OSBPL9: variants seen among roughly 807,000 people sequenced by gnomAD.
OSBPL9 encodes oxysterol-binding protein-related protein 9.
OSBPL9 carries 40 observed loss-of-function variants against 106.6 expected under a neutral mutation model. The observed-to-expected ratio is 0.38, with a 90% CI of 0.29 to 0.49. The LOEUF (loss-of-function observed/expected upper bound fraction) is 0.49. Ranked by LOEUF, OSBPL9 falls within the 20% of genes least tolerant of loss-of-function variation. The probability of loss-of-function intolerance (pLI) is 0.97; values close to 1 mark genes in which losing one functional copy is unlikely to be tolerated. For synonymous variants in OSBPL9, 269 were observed against 295.4 expected (o/e 0.91, Z 0.92); for missense variants, 609 against 887.2 (o/e 0.69, Z 3.98).
At chr1:51,530,170 CAAAAAAAA>C in the OSBPL9 span, among the ~76,000 whole-genome samples, 12 of 11,032 alleles carry the variant, frequency 1.1e-3, no homozygotes, top group Non-Finnish European at 2.0e-3. Flanking sequence ...GACTCTGTCT[CAAAAAAAA>C]AAAAAAAAAA....
chr1:51,591,437 C>G (rs1252018222), intron 1 of OSBPL9, among the ~76,000 whole-genome samples: 1 of 152,058 alleles, frequency 6.6e-6, no homozygotes, highest in South Asian at 2.1e-4. Flanking sequence ...TAGAGAACAC[C>G]GGGGGAAATA....
chr1:51,525,436 C>G, the OSBPL9 span, among the ~76,000 whole-genome samples: 2 of 152,120 alleles, frequency 1.3e-5, no homozygotes, highest in African/African-American at 2.4e-5. Flanking sequence ...CTCTTTCAGT[C>G]AAAGATTTTC....
chr1:51,577,047 C>T (rs1174396653), upstream of OSBPL9: 2 of 152,130 alleles, frequency 1.3e-5, no homozygotes, highest in African/African-American at 2.4e-5. Context: ...TCTTGGTGAT[C>T]AGTGAGCTCT....
At chr1:51,762,246 C>T (rs1055523811) in intron 11 of OSBPL9, among the ~76,000 whole-genome samples, 1 of 152,038 alleles carries the variant, frequency 6.6e-6, no homozygotes, top group Non-Finnish European at 1.5e-5. Context: ...TGCAGTGGTA[C>T]GATCAGGGCT....
At position 51,729,866 on chromosome 1, in the gene OSBPL9, C is replaced by G. The variant is rs892949532; in HGVS notation, c.319-15670C>G. 8.0e-6 allele frequency: 10 copies of G among 1,250,218 alleles called. No homozygotes were observed. Among genetic ancestry groups the G allele is most frequent in the African/African-American group, 1.5e-5 (1 of 64,544 alleles). The allele number at this position is 1,250,218 out of a possible 1,614,324, so 77.4% of individuals were successfully genotyped here. Reference sequence around the variant, plus strand: ...GGACGGGCTGAACCTCAGTCAGGACCGCCTGCACCGCAGTCCGGGGATCGG... The same window carrying G: ...GGACGGGCTGAACCTCAGTCAGGACGGCCTGCACCGCAGTCCGGGGATCGG... On this transcript the variant is annotated intron_variant, in intron 4 of 23. Coordinates refer to ENST00000428468, the MANE Select transcript of OSBPL9 (RefSeq NM_024586.6). This position sits in a 1 kb window ranked among gnomAD's most constrained non-coding sequence, Gnocchi z 5.1.
At chr1:51,573,549 T>G, upstream of OSBPL9, among the ~76,000 whole-genome samples, 1 of 141,150 alleles carries the variant, frequency 7.1e-6, no homozygotes, top group Admixed American at 7.3e-5. Flanking sequence ...GGCACGGTGG[T>G]TCACACCTGT....
At chr1:51,551,171 G>T in the OSBPL9 span, among the ~76,000 whole-genome samples, 1 of 152,228 alleles carries the variant, frequency 6.6e-6, no homozygotes, top group East Asian at 1.9e-4. Context: ...TCCCCAAATT[G>T]TACCAACCTC....
chr1:51,686,385 T>G (rs920952891), intron 3 of OSBPL9, among the ~76,000 whole-genome samples: 1 of 152,210 alleles, frequency 6.6e-6, no homozygotes, highest in Non-Finnish European at 1.5e-5. Flanking sequence ...GTTCATGCCT[T>G]TCCTTCCTTG....
intron 6 of OSBPL9, 53 bp from the exon 7 acceptor site, chr1:51,748,316 C>T (rs537285075): frequency 1.5e-5 from 23 of 1,494,858 alleles, no homozygotes; most frequent in African/African-American, 1.5e-4. Context: ...AAAAAATAAC[C>T]GTCCTTCTTT....
At chr1:51,780,847 G>A (rs930320633) in intron 15 of OSBPL9, among the ~76,000 whole-genome samples, 2 of 152,088 alleles carry the variant, frequency 1.3e-5, no homozygotes, top group African/African-American at 4.8e-5. Flanking sequence ...CTACACATTG[G>A]ATATAGTGTA....
chr1:51,700,160 C>G (rs1656933326), intron 3 of OSBPL9, among the ~76,000 whole-genome samples: 1 of 152,242 alleles, frequency 6.6e-6, no homozygotes, highest in Non-Finnish European at 1.5e-5. Context: ...CATGCGGAGC[C>G]TGTTCACTGC....
chr1:51,701,907 T>A (rs1460192419), intron 3 of OSBPL9, among the ~76,000 whole-genome samples: 14 of 152,212 alleles, frequency 9.2e-5, no homozygotes, highest in Non-Finnish European at 4.4e-5. Flanking sequence ...GTTTCGTTTT[T>A]TGTCCTTGCG....
rs558219705 is a variant in OSBPL9, at chr1:51,673,855, T to A, written c.241+4343T>A. 2.0e-4 allele frequency among the ~76,000 whole-genome samples: 31 copies of A among 151,710 alleles called. No homozygotes were observed. The South Asian group carries it at 6.5e-3, about 32-fold the overall frequency. On this transcript the variant is annotated intron_variant, in intron 3 of 23. Transcript: ENST00000428468. Reference sequence around the variant, plus strand: ...GGTGCATAGCCACTGCACTCCAGCCTGGGCAATATAGTGATGCCCTGTCTC... The same window carrying A: ...GGTGCATAGCCACTGCACTCCAGCCAGGGCAATATAGTGATGCCCTGTCTC...
chr1:51,524,869 A>C, the OSBPL9 span, among the ~76,000 whole-genome samples: 2 of 152,148 alleles, frequency 1.3e-5, no homozygotes, highest in Admixed American at 6.5e-5. Flanking sequence ...GAAACCTTGC[A>C]CTCATGGCTG....
chr1:51,587,622 G>A (rs994285367), intron 1 of OSBPL9, among the ~76,000 whole-genome samples: 2 of 152,192 alleles, frequency 1.3e-5, no homozygotes, highest in African/African-American at 4.8e-5. Context: ...GGGTTGTAAA[G>A]TGAAAAGAGG....
the OSBPL9 span, among the ~76,000 whole-genome samples, chr1:51,571,945 C>A: frequency 6.6e-6 from 1 of 152,118 alleles, no homozygotes; most frequent in Non-Finnish European, 1.5e-5. Flanking sequence ...ATGTGAGGGA[C>A]AACAACCAAG....
intron 4 of OSBPL9, among the ~76,000 whole-genome samples, chr1:51,740,583 A>G (rs1666694859): frequency 6.6e-6 from 1 of 151,704 alleles, no homozygotes; most frequent in East Asian, 1.9e-4. Flanking sequence ...CTTCTAATAT[A>G]TTTTCTTTTT....
chr1:51,786,555 G>T lies in OSBPL9; in HGVS notation c.1938G>T (p.Lys646Asn). ...GENTVFVDTK[K>N]LPIIKKKVRK... ...ATACAGTCTTTGTAGATACCAAGAAGTTGCCTATAATCAAGAAGAAAGTGA... is the reference window on the plus strand; with the variant it reads ...ATACAGTCTTTGTAGATACCAAGAATTTGCCTATAATCAAGAAGAAAGTGA... Residue 646 changes from lysine to asparagine, a missense_variant, in exon 22 of 24, where the codon AAG becomes AAT. Around this residue, in one of 5 missense-constraint regions of OSBPL9, gnomAD observed 132 missense variants for 158.1 expected, o/e 0.83. Transcript: ENST00000428468. 2 of 1,611,914 alleles carry T rather than the reference G, an allele frequency of 1.2e-6. No homozygotes were observed. The highest frequency in any genetic ancestry group is 1.7e-6 in the Non-Finnish European group (2 of 1,178,172).
At chr1:51,557,274 C>T in the OSBPL9 span, among the ~76,000 whole-genome samples, 1 of 152,200 alleles carries the variant, frequency 6.6e-6, no homozygotes. Context: ...ATAGAGATAA[C>T]TATTTTGCTA....
Sources: allele counts gnomAD v4.1 joint callset (sites outside exome capture counted in the v4.1 genomes callset), GRCh38; gene constraint gnomAD v4.1.1; regional missense constraint gnomAD v4.1.1; non-coding constraint Gnocchi (gnomAD v3.1); transcripts MANE v1.5; gene names NCBI Gene and HGNC (gene_info 2026-07-23, HGNC 2026-07-21).